The following PDGFD variants were observed in gnomAD, a reference collection of about 807,000 sequenced individuals.
PDGFD encodes platelet-derived growth factor D.
PDGFD carries 30 observed loss-of-function variants against 44.7 expected under a neutral mutation model. The observed-to-expected ratio is 0.67, with a 90% CI of 0.50 to 0.91. PDGFD has a LOEUF of 0.91. Ranked by LOEUF, PDGFD falls within the 40% of genes least tolerant of loss-of-function variation. The pLI is 0.00. For missense variants in PDGFD, 445 were observed against 457.8 expected (o/e 0.97, Z 0.25); for synonymous variants, 173 against 168.4 (o/e 1.03, Z -0.21).
intron 1 of PDGFD, among the ~76,000 whole-genome samples, chr11:104,144,376 C>T (rs186774418): frequency 6.6e-6 from 1 of 151,682 alleles, no homozygotes; most frequent in Non-Finnish European, 1.5e-5. Context: ...CACGGTGGCA[C>T]ACGCCTGTAA....
chr11:103,929,260 C>G (rs1366627640), intron 5 of PDGFD, among the ~76,000 whole-genome samples: 2 of 152,082 alleles, frequency 1.3e-5, no homozygotes, highest in Non-Finnish European at 2.9e-5. Flanking sequence ...TCACTTTAAG[C>G]AGAATAGAGG....
At chr11:104,101,334 A>C (rs1007899062) in intron 1 of PDGFD, among the ~76,000 whole-genome samples, 2 of 152,196 alleles carry the variant, frequency 1.3e-5, no homozygotes, top group Non-Finnish European at 2.9e-5. Flanking sequence ...CCAAATCATG[A>C]GTGAACTTCC....
Position 104,128,707 on chromosome 11 carries a change from A to G in PDGFD, c.124+35097T>C, listed in dbSNP as rs75077205. Among the ~76,000 whole-genome samples the G allele has an allele frequency of 1.1e-3, 170 of 152,284 alleles. 2 individuals are homozygous for G. The East Asian group carries it at 0.028, about 25-fold the overall frequency. On this transcript the variant is annotated intron_variant, in intron 1 of 6. Transcript: ENST00000393158. ...TACTTGGGAAATTTATTTTACCTCA[A>G]TAAGTGTCAACTTATTGACCTTTAA... is the stretch of plus-strand genomic sequence containing the variant.
At chr11:104,095,864 G>A (rs1861277576) in intron 1 of PDGFD, among the ~76,000 whole-genome samples, 1 of 152,086 alleles carries the variant, frequency 6.6e-6, no homozygotes, top group Non-Finnish European at 1.5e-5. Flanking sequence ...TTTCACACTA[G>A]AAATGAAATC....
intron 1 of PDGFD, among the ~76,000 whole-genome samples, chr11:104,153,737 G>A (rs1289398494): frequency 6.6e-6 from 1 of 152,158 alleles, no homozygotes. Context: ...AATTACCAGT[G>A]TGATTACTCA....
intron 1 of PDGFD, among the ~76,000 whole-genome samples, chr11:104,008,891 C>T (rs918154444): frequency 8.6e-5 from 13 of 151,768 alleles, no homozygotes; most frequent in African/African-American, 3.2e-4. Flanking sequence ...ATTATATATG[C>T]ATATTATAAT....
chr11:104,144,736 T>C (rs12273994), intron 1 of PDGFD, among the ~76,000 whole-genome samples: 3,361 of 152,158 alleles, frequency 0.022, 67 homozygotes, highest in African/African-American at 0.049. Context: ...AGATGATAGA[T>C]CAGAAATTTT....
intron 1 of PDGFD, chr11:104,037,578 G>A: frequency 6.2e-7 from 1 of 1,614,102 alleles, no homozygotes. Flanking sequence ...AAGTGAATGG[G>A]CATCCTTTGA....
Position 104,031,927 on chromosome 11 carries a change from A to T in PDGFD, c.125-31672T>A, listed in dbSNP as rs144162043. Among the ~76,000 whole-genome samples the T allele has an allele frequency of 4.8e-3, 733 of 152,314 alleles. 5 individuals carry two copies. Among genetic ancestry groups the T allele is most frequent in the African/African-American group, 0.017 (692 of 41,570 alleles). ...CAAACGTCTCATGTTCTCATTTATA[A>T]GTGGGAGCTGAACAATGAGAACACA... On this transcript the variant is annotated intron_variant, in intron 1 of 6. Coordinates refer to ENST00000393158, the MANE Select transcript of PDGFD (RefSeq NM_025208.5).
intron 1 of PDGFD, among the ~76,000 whole-genome samples, chr11:104,126,854 A>G (rs991722079): frequency 2.3e-5 from 2 of 85,566 alleles, no homozygotes; most frequent in African/African-American, 3.8e-5. Context: ...TCCAATTTAG[A>G]AAAAAAAATC....
chr11:104,155,265 T>C (rs2408844), intron 1 of PDGFD, among the ~76,000 whole-genome samples: 66,458 of 152,076 alleles, frequency 0.44, 14,619 homozygotes, highest in East Asian at 0.61. Flanking sequence ...CTATCAGACA[T>C]ATAATCTGAA....
chr11:103,972,916 A>G (rs1049269383), intron 3 of PDGFD, among the ~76,000 whole-genome samples: 1 of 152,202 alleles, frequency 6.6e-6, no homozygotes, highest in East Asian at 1.9e-4. Flanking sequence ...AACTTCTCAG[A>G]AAGTCCAGTA....
chr11:103,991,238 G>A (rs777370155), intron 3 of PDGFD, among the ~76,000 whole-genome samples: 1 of 151,968 alleles, frequency 6.6e-6, no homozygotes, highest in Non-Finnish European at 1.5e-5. Flanking sequence ...TAAATTTTAG[G>A]TGAGCATAAT....
intron 1 of PDGFD, among the ~76,000 whole-genome samples, chr11:104,152,765 G>T (rs1862263265): frequency 6.6e-6 from 1 of 152,026 alleles, no homozygotes. Context: ...CAAGGTGGCA[G>T]TCTAAAAGTA....
intron 1 of PDGFD, among the ~76,000 whole-genome samples, chr11:104,119,805 A>G (rs1467652060): frequency 4.3e-4 from 50 of 117,324 alleles, no homozygotes; most frequent in Middle Eastern, 0.014. Flanking sequence ...TATATTATAT[A>G]TAATATAAAT....
chr11:103,998,727 C>T (rs1473284932), intron 2 of PDGFD, among the ~76,000 whole-genome samples: 4 of 152,144 alleles, frequency 2.6e-5, no homozygotes, highest in Non-Finnish European at 5.9e-5. Flanking sequence ...TGACATAGAA[C>T]ATGGAGGCAG....
Position 104,164,041 on chromosome 11 carries a change from C to T in PDGFD, c.-114G>A. 3.3e-6 allele frequency: 4 copies of T among 1,228,726 alleles called. No homozygotes were observed. The highest frequency in any genetic ancestry group is 4.3e-6 in the Non-Finnish European group (4 of 922,592). The allele number at this position is 1,228,726 out of a possible 1,614,324, so 76.1% of individuals were successfully genotyped here. On this transcript the variant is annotated 5_prime_UTR_variant, in exon 1 of 7. Coordinates refer to ENST00000393158, the MANE Select transcript of PDGFD (RefSeq NM_025208.5). ...CGCCTGCGCTCGCCCTGCGCTGGCC[C>T]GGGTCGCTGTGCTAATCGCCGAGCT...
At chr11:104,019,081 T>C (rs1027956103) in intron 1 of PDGFD, among the ~76,000 whole-genome samples, 1 of 152,224 alleles carries the variant, frequency 6.6e-6, no homozygotes, top group Non-Finnish European at 1.5e-5. Context: ...ATCATTTCTA[T>C]CATTGCAGAC....
rs981551524 is a variant in PDGFD, at chr11:104,082,133, C to CATATATATATATATAT, written c.124+81670_124+81671insATATATATATATATAT. ...ATTTTTGTTGATGTCCATATACATA[C>CATATATATATATATAT]ATACATATATATATATGAAAAACAA... On this transcript the variant is annotated intron_variant, in intron 1 of 6. Coordinates refer to ENST00000393158, the MANE Select transcript of PDGFD (RefSeq NM_025208.5). 5.1e-4 allele frequency among the ~76,000 whole-genome samples: 60 copies of CATATATATATATATAT among 117,476 alleles called. 1 individual carries two copies. Among genetic ancestry groups the CATATATATATATATAT allele is most frequent in the African/African-American group, 1.2e-3 (30 of 25,278 alleles). 77.1% of individuals were successfully genotyped at this position (117,476 alleles called of 152,430 possible).
Sources: allele counts gnomAD v4.1 joint callset (sites outside exome capture counted in the v4.1 genomes callset), GRCh38; gene constraint gnomAD v4.1.1; transcripts MANE v1.5; gene names NCBI Gene and HGNC (gene_info 2026-07-23, HGNC 2026-07-21).